The following ITPRID2 variants were observed in gnomAD, a reference collection of about 807,000 sequenced individuals.
The protein encoded by ITPRID2 is protein ITPRID2.
In ITPRID2, 60 loss-of-function variants were observed where a neutral mutation model predicts 124.3. The observed-to-expected ratio is 0.48, with a 90% CI of 0.39 to 0.60. ITPRID2 has a LOEUF of 0.60. Ranked by LOEUF, ITPRID2 falls within the 20% of genes least tolerant of loss-of-function variation. The pLI, the probability that ITPRID2 is intolerant of heterozygous loss-of-function variation, is 0.00. For synonymous variants in ITPRID2, 521 were observed against 542.9 expected, an observed-to-expected ratio of 0.96 and a Z score of 0.56; for missense variants, 1,553 against 1,512.2, an observed-to-expected ratio of 1.03 and a Z score of -0.45.
At chr2:181,929,519 T>C (rs1574322711) in intron 17 of ITPRID2, 42 bp from the exon 18 acceptor site, 4 of 1,397,670 alleles carry the variant, frequency 2.9e-6, no homozygotes, top group Middle Eastern at 1.8e-4. Flanking sequence ...AATAACAGTA[T>C]TTGAAAGAGG....
At position 181,905,275 on chromosome 2, in the gene ITPRID2, T is replaced by C. The variant is rs1693021784; in HGVS notation, c.1413+2809T>C. 6.6e-6 allele frequency among the ~76,000 whole-genome samples: 1 copy of C among 152,070 alleles called. No homozygotes were observed. Among genetic ancestry groups the C allele is most frequent in the African/African-American group, 2.4e-5 (1 of 41,396 alleles). On this transcript the variant is annotated intron_variant, in intron 8 of 17. Coordinates refer to ENST00000431877, the MANE Select transcript of ITPRID2 (RefSeq NM_001130445.3). The surrounding 1 kb of genome is among the most constrained non-coding windows in gnomAD (Gnocchi z 4.1). ...TACGTTGGCCAGGCTGGTCTCAAAC[T>C]CCTGACCTCGTGATCTGACCACCTC...
rs536533588 is a variant in ITPRID2, at chr2:181,907,127, A to C, written c.1414-2772A>C. On this transcript the variant is annotated intron_variant, in intron 8 of 17. Transcript: ENST00000431877. This position sits in a 1 kb window ranked among gnomAD's most constrained non-coding sequence, Gnocchi z 5.1. ...GAGGAAGGGTTATTTGAGTTAGAAC[A>C]TCCATGTATTGCTGTCCTGTGCAAT... 1.6e-4 allele frequency among the ~76,000 whole-genome samples: 24 copies of C among 152,358 alleles called. No individual in the cohort carries two copies. Among genetic ancestry groups the C allele is most frequent in the African/African-American group, 5.8e-4 (24 of 41,586 alleles).
intron 16 of ITPRID2, among the ~76,000 whole-genome samples, chr2:181,923,456 C>G (rs889365265): frequency 2.6e-5 from 4 of 152,242 alleles, no homozygotes; most frequent in Admixed American, 1.3e-4. Flanking sequence ...GGTCTTAATT[C>G]TATAAATTTA....
In ITPRID2 at chr2:181,915,350, G is replaced by T; in HGVS notation, c.1710G>T (p.Glu570Asp). Residue 570 changes from glutamate (E) to aspartate (D), a missense_variant, in exon 11 of 18, where the codon GAG (glutamate) becomes GAT (aspartate). Glu to Asp is a conservative substitution (Grantham distance 45). Coordinates refer to ENST00000431877, the MANE Select transcript of ITPRID2 (RefSeq NM_001130445.3). Reference sequence around the variant, plus strand: ...CTTATTTTAATGAATCAGAGGAGGAGTCTCTTGTCCCTCTTCAGAAGGGAC... The same window carrying T: ...CTTATTTTAATGAATCAGAGGAGGATTCTCTTGTCCCTCTTCAGAAGGGAC... ...DQPYFNESEE[E>D]SLVPLQKGLE... 6.2e-7 allele frequency: 1 copy of T among 1,614,168 alleles called. No homozygotes were observed. The highest frequency in any genetic ancestry group is 8.5e-7 in the Non-Finnish European group (1 of 1,180,032).
At position 181,919,249 on chromosome 2, in the gene ITPRID2, C is replaced by A; in HGVS notation, c.2994-47C>A. ...TGTTGAAAGATTTGTGATTAGGAAT[C>A]TCCAAACTGCATTTTTCCAATTTTG... On this transcript the variant is annotated intron_variant, in intron 13 of 17. Transcript: ENST00000431877. The surrounding 1 kb of genome is among the most constrained non-coding windows in gnomAD (Gnocchi z 4.2). The A allele has an allele frequency of 6.2e-7, 1 of 1,605,594 alleles. No individual in the cohort carries two copies. Among genetic ancestry groups the A allele is most frequent in the Non-Finnish European group, 8.5e-7 (1 of 1,176,716 alleles).
In ITPRID2 at chr2:181,908,890, C is replaced by G. The variant is rs181518498; in HGVS notation, c.1414-1009C>G. On this transcript the variant is annotated intron_variant, in intron 8 of 17. Transcript: ENST00000431877. ...TTTCAAGGTTGAAAACCCATATGTT[C>G]AGCTAGGTACCACACTTTACTAGGA... 2.2e-4 allele frequency among the ~76,000 whole-genome samples: 33 copies of G among 151,746 alleles called. No homozygotes were observed. The East Asian group carries it at 6.3e-3, about 29-fold the overall frequency.
At position 181,915,108 on chromosome 2, in the gene ITPRID2, A is replaced by G. The variant is rs575315099; in HGVS notation, c.1576-108A>G. 1.6e-5 allele frequency: 21 copies of G among 1,304,102 alleles called. No individual in the cohort carries two copies. The African/African-American group carries it at 2.4e-4, about 15-fold the overall frequency. The allele number at this position is 1,304,102 out of a possible 1,614,324, so 80.8% of individuals were successfully genotyped here. On this transcript the variant is annotated intron_variant, in intron 10 of 17. Transcript: ENST00000431877. Reference sequence around the variant, plus strand: ...AATTTTGAGCAACAGCAGGGCCACAACTGCAGTGGAGACAGTGAAATTATA... The same window carrying G: ...AATTTTGAGCAACAGCAGGGCCACAGCTGCAGTGGAGACAGTGAAATTATA...
Position 181,910,566 on chromosome 2 carries a change from G to A in ITPRID2, c.1486+595G>A. The stretch of plus-strand genomic sequence containing the variant: ...CAACAACAAAAATGTGTGATCTTTG[G>A]ATTTACAAAACTTTTGAGCTTTAGA... On this transcript the variant is annotated intron_variant, in intron 9 of 17. Coordinates refer to ENST00000431877, the MANE Select transcript of ITPRID2 (RefSeq NM_001130445.3). The surrounding 1 kb of genome is among the most constrained non-coding windows in gnomAD (Gnocchi z 4.1). 2.9e-6 allele frequency: 2 copies of A among 687,846 alleles called. No homozygotes were observed. The highest frequency in any genetic ancestry group is 3.3e-5 in the South Asian group (2 of 61,126). 42.6% of individuals were successfully genotyped at this position (687,846 alleles called of 1,614,324 possible).
rs1452946042 is a variant in ITPRID2, at chr2:181,902,001, T to G, written c.948T>G (p.Ser316Arg). 1 of 1,613,764 alleles carries G rather than the reference T, an allele frequency of 6.2e-7. No homozygotes were observed. The highest frequency in any genetic ancestry group is 1.1e-5 in the South Asian group (1 of 91,052). Residue 316 changes from serine (S) to arginine (R), a missense_variant, in exon 8 of 18, where the codon AGT becomes AGG. Transcript: ENST00000431877. The surrounding 1 kb of genome is among the most constrained non-coding windows in gnomAD (Gnocchi z 4.4). ...AAACAGAGAAAGGAGAAAGTAGTAGTCCTTCTCCATCAGCTGAAAAAGGAA... is the reference window on the plus strand; with the variant it reads ...AAACAGAGAAAGGAGAAAGTAGTAGGCCTTCTCCATCAGCTGAAAAAGGAA... ...VDKTEKGESSSPSPSAEKGKI... is the reference protein window; with the variant it reads ...VDKTEKGESSRPSPSAEKGKI...
In ITPRID2 at chr2:181,926,072, G is replaced by A. The variant is rs539987336; in HGVS notation, c.3676-2089G>A. Among the ~76,000 whole-genome samples the A allele has an allele frequency of 5.3e-5, 8 of 151,926 alleles. No homozygotes were observed. The East Asian group carries it at 1.4e-3, about 26-fold the overall frequency. ...GCGGATCACCTGAGGTCAGGAGTTC[G>A]AGACCAGCCTGGCCAACATGGTGAA... On this transcript the variant is annotated intron_variant, in intron 16 of 17. Coordinates refer to ENST00000431877, the MANE Select transcript of ITPRID2 (RefSeq NM_001130445.3).
In ITPRID2 at chr2:181,916,415, G is replaced by T. The variant is rs1694059823; in HGVS notation, c.2775G>T (p.Gln925His). The T allele has an allele frequency of 6.2e-7, 1 of 1,612,618 alleles. No individual in the cohort carries two copies. The highest frequency in any genetic ancestry group is 1.3e-5 in the African/African-American group (1 of 74,880). Reference sequence around the variant, plus strand: ...TACATGATATTAGAAACTCACTGCAGAATCTTTCACAGGTATGAGAAAAAG... The same window carrying T: ...TACATGATATTAGAAACTCACTGCATAATCTTTCACAGGTATGAGAAAAAG... ...RVLHDIRNSL[Q>H]NLSQYPMMRG... Residue 925 changes from glutamine (Q) to histidine (H), a missense_variant, in exon 11 of 18, where the codon CAG (glutamine) becomes CAT (histidine). Gln to His is a conservative substitution (Grantham distance 24). Transcript: ENST00000431877.
intron 16 of ITPRID2, among the ~76,000 whole-genome samples, chr2:181,925,629 G>A (rs1377862977): frequency 6.6e-6 from 1 of 152,158 alleles, no homozygotes; most frequent in East Asian, 1.9e-4. Flanking sequence ...GACGCTTACT[G>A]AGTTCTTACT....
chr2:181,929,684 G>C lies in ITPRID2; in HGVS notation c.*137G>C. The C allele has an allele frequency of 6.8e-7, 1 of 1,462,564 alleles. No homozygotes were observed. The highest frequency in any genetic ancestry group is 9.4e-7 in the Non-Finnish European group (1 of 1,068,360). The allele number at this position is 1,462,564 out of a possible 1,614,324, so 90.6% of individuals were successfully genotyped here. ...TGGGCTACTGTATACAGTGTACAAT[G>C]TGTATTTCTTCAACCATATATTTTA... On this transcript the variant is annotated 3_prime_UTR_variant, in exon 18 of 18. Coordinates refer to ENST00000431877, the MANE Select transcript of ITPRID2 (RefSeq NM_001130445.3).
In ITPRID2 at chr2:181,915,608, G is replaced by A; in HGVS notation, c.1968G>A (p.Gln656=). The part of the protein sequence containing the change: ...VGKSSESEFT[Q]YTTHHILKSL... ...AAAGCAGTGAAAGTGAATTTACTCA[G>A]TATACCACACACCATATTCTGAAAT... The change falls in exon 11 of 18, where the codon CAG becomes CAA. Residue 656 remains glutamine, a synonymous_variant. Coordinates refer to ENST00000431877, the MANE Select transcript of ITPRID2 (RefSeq NM_001130445.3). The A allele has an allele frequency of 1.2e-6, 2 of 1,614,196 alleles. No individual in the cohort carries two copies. The highest frequency in any genetic ancestry group is 1.7e-6 in the Non-Finnish European group (2 of 1,180,038).
chr2:181,925,497 A>G (rs563854087), intron 16 of ITPRID2, among the ~76,000 whole-genome samples: 33 of 152,272 alleles, frequency 2.2e-4, no homozygotes, highest in African/African-American at 7.7e-4. Context: ...AAGACATTGT[A>G]TCATTTTCAG....
chr2:181,919,752 G>A lies in ITPRID2; in HGVS notation c.3144+306G>A, dbSNP rs991510006. ...GCTAGTGAATTAACATATGACTAAT[G>A]TAAATTTTAATTGTTGCATGTAACT... On this transcript the variant is annotated intron_variant, in intron 14 of 17. Transcript: ENST00000431877. The surrounding 1 kb of genome is among the most constrained non-coding windows in gnomAD (Gnocchi z 4.2). 5.9e-5 allele frequency among the ~76,000 whole-genome samples: 9 copies of A among 151,898 alleles called. No homozygotes were observed. Among genetic ancestry groups the A allele is most frequent in the Non-Finnish European group, 1.2e-4 (8 of 67,974 alleles).
At position 181,905,409 on chromosome 2, in the gene ITPRID2, C is replaced by T. The variant is rs1693033216; in HGVS notation, c.1413+2943C>T. Reference sequence around the variant, plus strand: ...TTGAATTTCTAATTATTCCAAATGACTTGCTTCATTAATTCTTGTGTTCTT... The same window carrying T: ...TTGAATTTCTAATTATTCCAAATGATTTGCTTCATTAATTCTTGTGTTCTT... On this transcript the variant is annotated intron_variant, in intron 8 of 17. Transcript: ENST00000431877. This position sits in a 1 kb window ranked among gnomAD's most constrained non-coding sequence, Gnocchi z 4.1. Among the ~76,000 whole-genome samples, 1 of 152,154 alleles carries T rather than the reference C, an allele frequency of 6.6e-6. No individual in the cohort carries two copies. The highest frequency in any genetic ancestry group is 1.5e-5 in the Non-Finnish European group (1 of 68,020).
rs1379666373 is a variant in ITPRID2 at position 181,902,554 on chromosome 2, A to G, written c.1413+88A>G. 1.1e-6 allele frequency: 1 copy of G among 943,320 alleles called. No individual in the cohort carries two copies. The highest frequency in any genetic ancestry group is 1.5e-6 in the Non-Finnish European group (1 of 649,630). The allele number at this position is 943,320 out of a possible 1,614,324, so 58.4% of individuals were successfully genotyped here. On this transcript the variant is annotated intron_variant, in intron 8 of 17. Coordinates refer to ENST00000431877, the MANE Select transcript of ITPRID2 (RefSeq NM_001130445.3). This position sits in a 1 kb window ranked among gnomAD's most constrained non-coding sequence, Gnocchi z 4.4. Reference sequence around the variant, plus strand: ...GCTTATAAAATGAGAGGTAGCTAATAGATTTATACTAGAAAAATTTATTCT... The same window carrying G: ...GCTTATAAAATGAGAGGTAGCTAATGGATTTATACTAGAAAAATTTATTCT...
At chr2:181,928,872 C>T (rs920982626) in intron 17 of ITPRID2, among the ~76,000 whole-genome samples, 5 of 152,080 alleles carry the variant, frequency 3.3e-5, no homozygotes, top group Admixed American at 1.3e-4. Context: ...GTGATCCGCC[C>T]GCCTCGGCCT....
Sources: allele counts gnomAD v4.1 joint callset (sites outside exome capture counted in the v4.1 genomes callset), GRCh38; gene constraint gnomAD v4.1.1; non-coding constraint Gnocchi (gnomAD v3.1); transcripts MANE v1.5; gene names NCBI Gene and HGNC (gene_info 2026-07-23, HGNC 2026-07-21).